Variants in MYRIP observed in about 807,000 individuals in gnomAD.
MYRIP encodes rab effector MyRIP.
MYRIP carries 49 observed loss-of-function variants against 98.0 expected under a neutral mutation model. The observed-to-expected ratio is 0.50, with a 90% CI of 0.40 to 0.63. The LOEUF is 0.63. MYRIP is among the 30% of genes least tolerant of loss of function. The pLI is 0.00. For missense variants in MYRIP, 1,004 were observed against 1,058.2 expected (o/e 0.95, Z 0.71); for synonymous variants, 404 against 409.5 (o/e 0.99, Z 0.16).
intron 1 of MYRIP, among the ~76,000 whole-genome samples, chr3:39,899,180 C>A (rs891395574): frequency 2.6e-4 from 39 of 151,940 alleles, no homozygotes; most frequent in African/African-American, 9.4e-4. Context: ...ATGTTTTTGA[C>A]CCTTATGATC....
chr3:39,819,106 T>C (rs1430360299), intron 1 of MYRIP, among the ~76,000 whole-genome samples: 2 of 152,192 alleles, frequency 1.3e-5, no homozygotes, highest in Non-Finnish European at 2.9e-5. Flanking sequence ...TCCAACACTT[T>C]GGGAGGCCGA....
At chr3:40,188,479 G>GA (rs35216480) in intron 9 of MYRIP, among the ~76,000 whole-genome samples, 70,376 of 137,568 alleles carry the variant, frequency 0.51, 17,233 homozygotes, top group Non-Finnish European at 0.55. Flanking sequence ...TGGTTAAAAG[G>GA]AAAAAAAAAA....
intron 3 of MYRIP, among the ~76,000 whole-genome samples, chr3:40,122,647 G>T (rs1949428654): frequency 6.6e-6 from 1 of 151,498 alleles, no homozygotes; most frequent in Admixed American, 6.6e-5. Context: ...TCATTTGGGG[G>T]ACTAAAACTG....
intron 3 of MYRIP, among the ~76,000 whole-genome samples, chr3:40,060,243 C>A (rs1180349937): frequency 6.6e-6 from 1 of 152,192 alleles, no homozygotes; most frequent in Non-Finnish European, 1.5e-5. Context: ...TGCCTGAGAA[C>A]TGTGAGTTCT....
At chr3:40,171,628 G>A (rs576252861) in intron 8 of MYRIP, among the ~76,000 whole-genome samples, 1 of 152,330 alleles carries the variant, frequency 6.6e-6, no homozygotes, top group East Asian at 1.9e-4. Flanking sequence ...CACTCCTGGG[G>A]TAGGATTCTG....
intron 3 of MYRIP, among the ~76,000 whole-genome samples, chr3:40,111,877 G>A (rs933203459): frequency 1.3e-5 from 2 of 152,182 alleles, no homozygotes; most frequent in South Asian, 4.1e-4. Context: ...TGATGAAAGT[G>A]AGCCCTGGGC....
intron 11 of MYRIP, among the ~76,000 whole-genome samples, chr3:40,213,465 T>A (rs1952022926): frequency 6.6e-6 from 1 of 152,194 alleles, no homozygotes; most frequent in African/African-American, 2.4e-5. Context: ...AGTGTCATGC[T>A]GTGGGTCTGT....
At chr3:40,077,104 C>A (rs912213953) in intron 3 of MYRIP, among the ~76,000 whole-genome samples, 1 of 151,974 alleles carries the variant, frequency 6.6e-6, no homozygotes, top group African/African-American at 2.4e-5. Flanking sequence ...CGGGTGTGTT[C>A]GGAGTTTCTT....
chr3:39,952,930 T>C (rs1945062501), intron 2 of MYRIP, among the ~76,000 whole-genome samples: 1 of 152,180 alleles, frequency 6.6e-6, no homozygotes, highest in Non-Finnish European at 1.5e-5. Context: ...TTATCAGGGT[T>C]CACTACAGCT....
chr3:39,908,074 T>C (rs75708131), intron 2 of MYRIP, among the ~76,000 whole-genome samples: 2,865 of 152,350 alleles, frequency 0.019, 91 homozygotes, highest in African/African-American at 0.065. Context: ...AAAAGCTAGT[T>C]AGCATTTGGA....
intron 2 of MYRIP, among the ~76,000 whole-genome samples, chr3:39,976,202 A>C (rs1331381300): frequency 1.3e-5 from 2 of 151,916 alleles, no homozygotes; most frequent in Non-Finnish European, 2.9e-5. Flanking sequence ...CAAATTTAAA[A>C]GAAAAAAAAA....
chr3:39,863,302 A>G (rs1377183144), intron 1 of MYRIP, among the ~76,000 whole-genome samples: 2 of 152,168 alleles, frequency 1.3e-5, no homozygotes, highest in African/African-American at 4.8e-5. Context: ...CGTTAACAAA[A>G]TGAGAGCTGA....
chr3:40,242,757 T>C (rs1953063568), intron 12 of MYRIP, among the ~76,000 whole-genome samples: 1 of 152,164 alleles, frequency 6.6e-6, no homozygotes, highest in African/African-American at 2.4e-5. Context: ...TTAAAATAAA[T>C]TTACTTTTTT....
At chr3:40,071,795 G>C (rs1171914115) in intron 3 of MYRIP, among the ~76,000 whole-genome samples, 1 of 152,188 alleles carries the variant, frequency 6.6e-6, no homozygotes, top group Non-Finnish European at 1.5e-5. Flanking sequence ...GTTGTCTCAG[G>C]AAACAAGGAT....
At position 39,974,194 on chromosome 3, in the gene MYRIP, C is replaced by T. The variant is rs540310104; in HGVS notation, c.111-69856C>T. On this transcript the variant is annotated intron_variant, in intron 2 of 16. Transcript: ENST00000302541. ...AGATAAAAGAGAAGAATCAAATAGA[C>T]GCAATAAAAAATGATAAAGGGGATA... 6.0e-3 allele frequency among the ~76,000 whole-genome samples: 911 copies of T among 151,906 alleles called. 8 individuals are homozygous for T. The highest frequency in any genetic ancestry group is 0.02 in the African/African-American group (829 of 41,414).
At chr3:39,957,508 C>T (rs1299911388) in intron 2 of MYRIP, among the ~76,000 whole-genome samples, 2 of 151,870 alleles carry the variant, frequency 1.3e-5, no homozygotes, top group African/African-American at 2.4e-5. Flanking sequence ...TCAATAAACT[C>T]GGTATTGATG....
chr3:39,843,004 C>T (rs575276514), intron 1 of MYRIP, among the ~76,000 whole-genome samples: 1 of 152,322 alleles, frequency 6.6e-6, no homozygotes, highest in East Asian at 1.9e-4. Flanking sequence ...AAGTTTGTGT[C>T]TGAACCTCCT....
intron 2 of MYRIP, among the ~76,000 whole-genome samples, chr3:39,915,194 C>T (rs1944123307): frequency 6.6e-6 from 1 of 152,046 alleles, no homozygotes; most frequent in Non-Finnish European, 1.5e-5. Flanking sequence ...TCTGGCTCGT[C>T]CTCCAACATA....
chr3:40,006,089 G>C (rs932678344), intron 2 of MYRIP, among the ~76,000 whole-genome samples: 5 of 152,180 alleles, frequency 3.3e-5, no homozygotes, highest in Non-Finnish European at 7.3e-5. Flanking sequence ...CATTTTCAAA[G>C]AAAAGAAAGA....
Sources: gnomAD v4.1 joint callset for allele counts (sites outside exome capture counted in the v4.1 genomes callset) on GRCh38, gnomAD v4.1.1 for gene constraint, MANE v1.5 for transcripts, NCBI Gene and HGNC (gene_info 2026-07-23, HGNC 2026-07-21) for gene names.